Variants in PATJ observed in about 807,000 individuals in gnomAD.
The protein encoded by PATJ is PATJ crumbs cell polarity complex component.
A neutral mutation model predicts 224.9 loss-of-function variants in PATJ; 190 were observed. That is an observed-to-expected ratio of 0.84 (90% confidence interval 0.75 to 0.95). The LOEUF is 0.95. PATJ is among the 40% of genes least tolerant of loss of function. The pLI, the probability that PATJ is intolerant of heterozygous loss-of-function variation, is 0.00. For synonymous variants in PATJ, 769 were observed against 820.3 expected, an observed-to-expected ratio of 0.94 and a Z score of 1.07; for missense variants, 2,121 against 2,270.3, an observed-to-expected ratio of 0.93 and a Z score of 1.34.
At chr1:61,774,492 C>CAGA (rs1646809080) in intron 6 of PATJ, among the ~76,000 whole-genome samples, 1 of 152,168 alleles carries the variant, frequency 6.6e-6, no homozygotes. Context: ...CCTGTCCTCT[C>CAGA]CCTCATTAGT....
At chr1:61,819,332 A>T (rs1332098380) in intron 14 of PATJ, among the ~76,000 whole-genome samples, 1 of 152,122 alleles carries the variant, frequency 6.6e-6, no homozygotes, top group Non-Finnish European at 1.5e-5. Context: ...TTCTTTGCCT[A>T]TCATATCAGG....
chr1:61,830,871 A>G (rs1041883560), intron 16 of PATJ, among the ~76,000 whole-genome samples: 1 of 152,138 alleles, frequency 6.6e-6, no homozygotes, highest in Admixed American at 6.5e-5. Flanking sequence ...ACCATATACA[A>G]AAATCAGCTC....
At chr1:61,765,567 T>G (rs925770814) in intron 3 of PATJ, among the ~76,000 whole-genome samples, 1 of 152,118 alleles carries the variant, frequency 6.6e-6, no homozygotes, top group Admixed American at 6.6e-5. Flanking sequence ...GTATTTTTGA[T>G]AGCGATGGGG....
chr1:61,871,560 T>A (rs1262630312), intron 20 of PATJ, among the ~76,000 whole-genome samples: 2,045 of 15,990 alleles, frequency 0.13, 11 homozygotes, highest in Non-Finnish European at 0.16. Flanking sequence ...TATATATATT[T>A]TTTTTTTTTT....
At position 61,823,017 on chromosome 1, in the gene PATJ, A is replaced by G. The variant is rs142364570; in HGVS notation, c.1756A>G (p.Ile586Val). 1,158 of 1,613,962 alleles carry G rather than the reference A, an allele frequency of 7.2e-4. 1 individual carries two copies. Among genetic ancestry groups the G allele is most frequent in the Non-Finnish European group, 9.3e-4 (1,096 of 1,180,010 alleles). Reference protein sequence around the residue: ...SFDGHHYISSIVSGGPVDTLG... With the variant: ...SFDGHHYISSVVSGGPVDTLG... ...TGATGGGCACCATTATATTTCTTCAATTGTTTCTGGTGGTCCTGTTGATAC... is the reference window on the plus strand; with the variant it reads ...TGATGGGCACCATTATATTTCTTCAGTTGTTTCTGGTGGTCCTGTTGATAC... The change falls in exon 15 of 44, where the codon ATT becomes GTT. Residue 586 changes from isoleucine to valine, a missense_variant. Physicochemically the swap from Ile to Val is conservative, Grantham distance 29 (BLOSUM62 3). Transcript: ENST00000642238.
intron 8 of PATJ, among the ~76,000 whole-genome samples, chr1:61,789,081 G>A (rs1649221852): frequency 6.6e-6 from 1 of 152,158 alleles, no homozygotes; most frequent in Non-Finnish European, 1.5e-5. Context: ...GGCCAAGGTG[G>A]GTGGATCATC....
chr1:61,943,171 G>C (rs1227585758), intron 27 of PATJ, among the ~76,000 whole-genome samples: 2 of 152,222 alleles, frequency 1.3e-5, no homozygotes, highest in African/African-American at 4.8e-5. Context: ...AACAGCTCCA[G>C]TCTACAGCTC....
chr1:61,813,356 TATATATATATATATATATATATACAC>T (rs1400058676), intron 14 of PATJ, among the ~76,000 whole-genome samples: 1,797 of 49,374 alleles, frequency 0.036, 85 homozygotes, highest in African/African-American at 0.1. Flanking sequence ...TATATATATA[TATATATATATATATATATATATACAC>T]ACACACACAC....
At chr1:61,785,789 T>C (rs867610387) in intron 7 of PATJ, among the ~76,000 whole-genome samples, 1 of 152,190 alleles carries the variant, frequency 6.6e-6, no homozygotes, top group Non-Finnish European at 1.5e-5. Flanking sequence ...ATTATTTACC[T>C]TCTGTGTATG....
chr1:61,857,920 A>G (rs1387998640), intron 18 of PATJ, among the ~76,000 whole-genome samples: 2 of 152,152 alleles, frequency 1.3e-5, no homozygotes, highest in Non-Finnish European at 2.9e-5. Flanking sequence ...TTTTAACTCC[A>G]ATTCTTTAAT....
At chr1:61,823,382 A>G (rs1043033204) in intron 15 of PATJ, among the ~76,000 whole-genome samples, 1 of 152,250 alleles carries the variant, frequency 6.6e-6, no homozygotes, top group Non-Finnish European at 1.5e-5. Flanking sequence ...GTTGCAACAT[A>G]TAACCACATT....
intron 28 of PATJ, among the ~76,000 whole-genome samples, chr1:62,000,974 C>T (rs12756605): frequency 0.17 from 24,900 of 147,244 alleles, 2,369 homozygotes; most frequent in Non-Finnish European, 0.21. Flanking sequence ...TTTCATGTGT[C>T]TGTTGGCTGC....
intron 27 of PATJ, among the ~76,000 whole-genome samples, chr1:61,941,531 G>C (rs893361446): frequency 2.0e-5 from 3 of 152,084 alleles, no homozygotes; most frequent in Non-Finnish European, 4.4e-5. Context: ...CACACCTGTA[G>C]TCCCAGCTAT....
intron 20 of PATJ, among the ~76,000 whole-genome samples, chr1:61,869,970 C>T (rs542411670): frequency 5.3e-5 from 8 of 152,328 alleles, no homozygotes; most frequent in South Asian, 2.1e-4. Flanking sequence ...GGGCGTGTTA[C>T]GGTGATCTTT....
At chr1:61,858,327 A>G (rs1241907414) in intron 18 of PATJ, among the ~76,000 whole-genome samples, 2 of 152,128 alleles carry the variant, frequency 1.3e-5, no homozygotes, top group Admixed American at 6.6e-5. Flanking sequence ...CAGTGGTGCA[A>G]TCTCGGCTCA....
intron 26 of PATJ, among the ~76,000 whole-genome samples, chr1:61,919,340 C>A (rs1316189000): frequency 6.6e-6 from 1 of 151,248 alleles, no homozygotes; most frequent in Non-Finnish European, 1.5e-5. Context: ...GAGACACAGC[C>A]CTTACTCTGT....
intron 27 of PATJ, among the ~76,000 whole-genome samples, chr1:61,970,555 C>T (rs1682826847): frequency 6.6e-6 from 1 of 152,094 alleles, no homozygotes; most frequent in Admixed American, 6.6e-5. Context: ...TGCAGTGGTG[C>T]GATGACAGCT....
At chr1:61,868,148 G>GACACACA (rs1316483135) in intron 20 of PATJ, among the ~76,000 whole-genome samples, 1 of 152,074 alleles carries the variant, frequency 6.6e-6, no homozygotes, top group Non-Finnish European at 1.5e-5. Context: ...TATAGTAAAA[G>GACACACA]ACACACAACA....
intron 10 of PATJ, among the ~76,000 whole-genome samples, chr1:61,796,741 T>TTTCTTTCTTTCTTTCTTTCTTTCTTTC (rs373367263): frequency 2.2e-5 from 1 of 45,844 alleles, no homozygotes; most frequent in African/African-American, 6.1e-5. Context: ...TCTTTCTTTC[T>TTTCTTTCTTTCTTTCTTTCTTTCTTTC]TTTTTTTCTT....
Sources: gnomAD v4.1 joint callset for allele counts (sites outside exome capture counted in the v4.1 genomes callset) on GRCh38, gnomAD v4.1.1 for gene constraint, MANE v1.5 for transcripts, NCBI Gene and HGNC (gene_info 2026-07-23, HGNC 2026-07-21) for gene names.